The following TRPC4AP variants were observed in gnomAD, a reference collection of about 807,000 sequenced individuals.
TRPC4AP encodes short transient receptor potential channel 4-associated protein.
TRPC4AP carries 45 observed loss-of-function variants against 99.0 expected under a neutral mutation model. The ratio of observed to expected loss-of-function variants is 0.45; its 90% CI spans 0.36 to 0.58. TRPC4AP has a LOEUF of 0.58. Ranked by LOEUF, TRPC4AP falls within the 20% of genes least tolerant of loss-of-function variation. The probability of loss-of-function intolerance (pLI) is 0.00; values close to 1 mark genes in which losing one functional copy is unlikely to be tolerated. For missense variants in TRPC4AP, 879 were observed against 985.3 expected, an observed-to-expected ratio of 0.89 and a Z score of 1.44; for synonymous variants, 408 against 385.8, an observed-to-expected ratio of 1.06 and a Z score of -0.67.
chr20:35,070,878 A>T (rs1325640834), intron 2 of TRPC4AP, among the ~76,000 whole-genome samples: 1 of 152,208 alleles, frequency 6.6e-6, no homozygotes, highest in Non-Finnish European at 1.5e-5. Flanking sequence ...AGAGGAAAAA[A>T]AATCTTACAA....
rs759344028 is a variant in TRPC4AP at position 35,008,698 on chromosome 20, C to T, written c.1561G>A (p.Val521Ile). ...GACTCTGCTGGCTCCTTCTTCATGA[C>T]CTGCAGCAGACGAGTTAATAAGCCC... ...KRGLLTRLLQVMKKEPAESSF... is the reference protein window; with the variant it reads ...KRGLLTRLLQIMKKEPAESSF... Residue 521 changes from valine to isoleucine, a missense_variant, in exon 13 of 19, where the codon GTC becomes ATC. Val to Ile is a conservative substitution (Grantham distance 29). Transcript: ENST00000252015. 6.2e-7 allele frequency: 1 copy of T among 1,614,100 alleles called. No homozygotes were observed. Among genetic ancestry groups the T allele is most frequent in the Non-Finnish European group, 8.5e-7 (1 of 1,179,994 alleles).
chr20:35,086,722 A>G (rs1258964788), intron 1 of TRPC4AP, among the ~76,000 whole-genome samples: 1 of 151,904 alleles, frequency 6.6e-6, no homozygotes, highest in Non-Finnish European at 1.5e-5. Context: ...AGTAGTGCCT[A>G]ATGAAATTTT....
intron 7 of TRPC4AP, among the ~76,000 whole-genome samples, chr20:35,036,960 AACAC>A (rs34177220): frequency 5.8e-4 from 87 of 149,640 alleles, no homozygotes; most frequent in African/African-American, 1.6e-3. Flanking sequence ...TGCGCACACA[AACAC>A]ACACACACAC....
chr20:35,018,628 A>C (rs1445776802), intron 9 of TRPC4AP, among the ~76,000 whole-genome samples: 1 of 133,798 alleles, frequency 7.5e-6, no homozygotes, highest in Non-Finnish European at 1.5e-5. Context: ...AAAAAAAAAG[A>C]AAGAAAGAAA....
chr20:35,012,404 T>C (rs549138542), intron 11 of TRPC4AP, among the ~76,000 whole-genome samples: 1 of 152,360 alleles, frequency 6.6e-6, no homozygotes, highest in South Asian at 2.1e-4. Context: ...TGGCTGGAGC[T>C]GAGCTCACTG....
intron 1 of TRPC4AP, among the ~76,000 whole-genome samples, chr20:35,080,925 T>C (rs183517262): frequency 6.6e-6 from 1 of 152,030 alleles, no homozygotes; most frequent in African/African-American, 2.4e-5. Flanking sequence ...AATAAATAAA[T>C]GAACATAAGT....
intron 7 of TRPC4AP, among the ~76,000 whole-genome samples, chr20:35,038,011 C>G (rs1427399948): frequency 6.6e-6 from 1 of 151,634 alleles, no homozygotes; most frequent in South Asian, 2.1e-4. Context: ...ATGAAGTAAT[C>G]TGAATAGGTA....
chr20:35,069,287 G>A lies in TRPC4AP; in HGVS notation c.414+9C>T. ...GTAACAGCAGTAGTAATAATAAATA[G>A]CTACTTACATCAACACCTCCAAACA... is the stretch of plus-strand genomic sequence containing the variant. On this transcript the variant is annotated intron_variant, in intron 3 of 18. Transcript: ENST00000252015. The A allele has an allele frequency of 6.8e-7, 1 of 1,474,648 alleles. No individual in the cohort carries two copies. Among genetic ancestry groups the A allele is most frequent in the Non-Finnish European group, 9.4e-7 (1 of 1,058,296 alleles). The allele number at this position is 1,474,648 out of a possible 1,614,324, so 91.3% of individuals were successfully genotyped here.
At chr20:35,081,269 T>G (rs1219843431) in intron 1 of TRPC4AP, among the ~76,000 whole-genome samples, 3 of 151,926 alleles carry the variant, frequency 2.0e-5, no homozygotes, top group Non-Finnish European at 4.4e-5. Flanking sequence ...CTGCAGCACT[T>G]TGGGAGGCAG....
At chr20:35,079,178 G>T (rs192042327) in intron 1 of TRPC4AP, among the ~76,000 whole-genome samples, 1 of 151,944 alleles carries the variant, frequency 6.6e-6, no homozygotes, top group Non-Finnish European at 1.5e-5. Context: ...AAATAAAGTG[G>T]GTCATTTCAT....
chr20:35,067,023 T>C (rs1315633602), intron 3 of TRPC4AP, among the ~76,000 whole-genome samples: 5 of 152,158 alleles, frequency 3.3e-5, no homozygotes, highest in African/African-American at 1.2e-4. Context: ...CAACACAATA[T>C]TCAAAAGAGA....
Position 35,003,299 on chromosome 20 carries a change from G to A in TRPC4AP, c.2257-16C>T, listed in dbSNP as rs1210631057. On this transcript the variant is annotated splice_polypyrimidine_tract_variant and intron_variant, in intron 18 of 18. Transcript: ENST00000252015. ...TGCAGGAGCTCTGGGCAAAGAGGGA[G>A]GGGCTGGGGGGCGCCTGGAGGACCC... 7 of 1,612,390 alleles carry A rather than the reference G, an allele frequency of 4.3e-6. No homozygotes were observed. Among genetic ancestry groups the A allele is most frequent in the Non-Finnish European group, 5.9e-6 (7 of 1,179,256 alleles).
At position 35,087,590 on chromosome 20, in the gene TRPC4AP, C is replaced by T. The variant is rs577252922; in HGVS notation, c.168+5024G>A. ...ACTCAGTCTATCCTTTCCTTCAACTCGTACTGATCATTTGGGGCCTTGTAC... is the reference window on the plus strand; with the variant it reads ...ACTCAGTCTATCCTTTCCTTCAACTTGTACTGATCATTTGGGGCCTTGTAC... On this transcript the variant is annotated intron_variant, in intron 1 of 18. Coordinates refer to ENST00000252015, the MANE Select transcript of TRPC4AP (RefSeq NM_015638.3). Among the ~76,000 whole-genome samples, 10 of 152,198 alleles carry T rather than the reference C, an allele frequency of 6.6e-5. No individual in the cohort carries two copies. The South Asian group carries it at 1.4e-3, about 22-fold the overall frequency.
At chr20:35,031,854 C>G (rs1450352074) in intron 8 of TRPC4AP, among the ~76,000 whole-genome samples, 1 of 151,976 alleles carries the variant, frequency 6.6e-6, no homozygotes, top group Non-Finnish European at 1.5e-5. Context: ...ACTGCTGAGT[C>G]TTTCTAGTGA....
At chr20:35,080,846 T>C (rs1410045594) in intron 1 of TRPC4AP, among the ~76,000 whole-genome samples, 2 of 151,916 alleles carry the variant, frequency 1.3e-5, no homozygotes, top group South Asian at 2.1e-4. Context: ...GTTTACCAAC[T>C]TGTACACTTT....
intron 2 of TRPC4AP, among the ~76,000 whole-genome samples, chr20:35,072,579 A>C (rs2084347766): frequency 6.6e-6 from 1 of 152,174 alleles, no homozygotes; most frequent in African/African-American, 2.4e-5. Flanking sequence ...TTTGTCAAAG[A>C]TCGGACAGTT....
At position 35,086,525 on chromosome 20, in the gene TRPC4AP, A is replaced by ATGTG. The variant is rs1176461079; in HGVS notation, c.168+6085_168+6088dup. Among the ~76,000 whole-genome samples the ATGTG allele has an allele frequency of 4.1e-3, 282 of 69,212 alleles. 15 individuals are homozygous for ATGTG. Among genetic ancestry groups the ATGTG allele is most frequent in the Non-Finnish European group, 6.0e-3 (213 of 35,340 alleles). The allele number at this position is 69,212 out of a possible 152,430, so 45.4% of individuals were successfully genotyped here. ...TATATATATGTGTGTGTGTGTATAT[A>ATGTG]TGTGTGTGTGTGTGTGTGTGTGTGT... On this transcript the variant is annotated intron_variant, in intron 1 of 18. Transcript: ENST00000252015.
At chr20:35,034,734 G>A (rs566442822) in intron 8 of TRPC4AP, among the ~76,000 whole-genome samples, 1 of 152,242 alleles carries the variant, frequency 6.6e-6, no homozygotes, top group South Asian at 2.1e-4. Context: ...GCAGTCTTCT[G>A]CCTAGTCCCA....
intron 3 of TRPC4AP, among the ~76,000 whole-genome samples, chr20:35,065,399 T>C (rs2084118007): frequency 6.6e-6 from 1 of 152,222 alleles, no homozygotes; most frequent in Non-Finnish European, 1.5e-5. Flanking sequence ...ATACTTCACA[T>C]CTGCTTTGTA....
Sources: gnomAD v4.1 joint callset for allele counts (sites outside exome capture counted in the v4.1 genomes callset) on GRCh38, gnomAD v4.1.1 for gene constraint, MANE v1.5 for transcripts, NCBI Gene and HGNC (gene_info 2026-07-23, HGNC 2026-07-21) for gene names.